UNC13C: variants seen among roughly 807,000 people sequenced by gnomAD.
UNC13C encodes the protein protein unc-13 homolog C.
In UNC13C, 174 loss-of-function variants were observed where a neutral mutation model predicts 245.4. The observed-to-expected ratio is 0.71, with a 90% CI of 0.63 to 0.80. The LOEUF is 0.80. Among genes scored for constraint, UNC13C ranks in the 30% least tolerant of loss-of-function variants. The pLI is 0.00. For synonymous variants in UNC13C, 992 were observed against 895.1 expected (o/e 1.11, Z -1.93); for missense variants, 2,829 against 2,602.9 (o/e 1.09, Z -1.89).
chr15:54,333,219 A>G lies in UNC13C; in HGVS notation c.4495-548A>G, dbSNP rs939222332. 6.6e-5 allele frequency among the ~76,000 whole-genome samples: 10 copies of G among 152,036 alleles called. No individual in the cohort carries two copies. The South Asian group carries it at 8.3e-4, about 13-fold the overall frequency. ...TTTTCATTCCTTCAAAATTATAAAC[A>G]TCTGTATTTTTAAATGATGCTTCTC... On this transcript the variant is annotated intron_variant, in intron 15 of 32. Transcript: ENST00000260323.
chr15:54,248,027 A>G (rs1430672497), intron 7 of UNC13C, among the ~76,000 whole-genome samples: 2 of 152,168 alleles, frequency 1.3e-5, no homozygotes, highest in Non-Finnish European at 2.9e-5. Flanking sequence ...ATTAGATCAT[A>G]TATATTAATC....
At chr15:53,993,911 T>G (rs1894501494) in intron 1 of UNC13C, among the ~76,000 whole-genome samples, 1 of 152,176 alleles carries the variant, frequency 6.6e-6, no homozygotes, top group Middle Eastern at 3.4e-3. Flanking sequence ...AATGTAGTTT[T>G]ATTGAAGAGA....
intron 4 of UNC13C, among the ~76,000 whole-genome samples, chr15:54,222,333 A>G (rs544646031): frequency 6.6e-6 from 1 of 152,050 alleles, no homozygotes; most frequent in African/African-American, 2.4e-5. Flanking sequence ...TCCTACCAGT[A>G]AGTGAGCGTA....
the UNC13C span, among the ~76,000 whole-genome samples, chr15:53,884,743 T>G: frequency 6.6e-6 from 1 of 152,202 alleles, no homozygotes; most frequent in African/African-American, 2.4e-5. Context: ...GAGTAGTTTT[T>G]ACTTGGACTT....
chr15:54,601,358 C>T (rs1899410018), intron 30 of UNC13C, among the ~76,000 whole-genome samples: 2 of 152,212 alleles, frequency 1.3e-5, no homozygotes, highest in South Asian at 4.2e-4. Flanking sequence ...AAACCTAAGC[C>T]AGACCTACAA....
At chr15:53,966,040 T>C in the UNC13C span, among the ~76,000 whole-genome samples, 1 of 152,218 alleles carries the variant, frequency 6.6e-6, no homozygotes, top group Admixed American at 6.5e-5. Context: ...CTTTTATCTA[T>C]AGGTTTCCCC....
chr15:54,345,820 C>T (rs2038847231), intron 17 of UNC13C, among the ~76,000 whole-genome samples: 2 of 152,194 alleles, frequency 1.3e-5, no homozygotes, highest in African/African-American at 4.8e-5. Context: ...CCTCTAAGGT[C>T]TAAGCCTTGA....
chr15:54,075,291 C>G (rs534410701), intron 2 of UNC13C, among the ~76,000 whole-genome samples: 3 of 152,100 alleles, frequency 2.0e-5, no homozygotes, highest in South Asian at 2.1e-4. Flanking sequence ...GGAGACCACC[C>G]TGGCTAACAC....
At chr15:54,116,908 C>G (rs181247876) in intron 2 of UNC13C, among the ~76,000 whole-genome samples, 3 of 152,086 alleles carry the variant, frequency 2.0e-5, no homozygotes, top group Admixed American at 6.6e-5. Flanking sequence ...TGATGGTTCC[C>G]CTTTCTCCAT....
At chr15:54,445,071 T>C (rs1053368064) in intron 19 of UNC13C, among the ~76,000 whole-genome samples, 4 of 151,250 alleles carry the variant, frequency 2.6e-5, no homozygotes, top group African/African-American at 9.7e-5. Flanking sequence ...CAGTGTTTAT[T>C]TTTTTGTCCT....
At chr15:54,580,806 TCACGTGTTC>T (rs1898165415) in intron 30 of UNC13C, among the ~76,000 whole-genome samples, 1 of 152,168 alleles carries the variant, frequency 6.6e-6, no homozygotes, top group African/African-American at 2.4e-5. Context: ...AAGCCAGTAA[TCACGTGTTC>T]CTCTGTGAGC....
At chr15:53,892,580 A>G in the UNC13C span, among the ~76,000 whole-genome samples, 1 of 150,996 alleles carries the variant, frequency 6.6e-6, no homozygotes, top group African/African-American at 2.4e-5. Flanking sequence ...ATTCCTTTTT[A>G]TTTTTTCTCT....
At chr15:54,628,976 C>T (rs1357325629), downstream of UNC13C, 1 of 152,022 alleles carries the variant, frequency 6.6e-6, no homozygotes, top group Non-Finnish European at 1.5e-5. Flanking sequence ...ACCATAAACA[C>T]ATATGCACGT....
In UNC13C at chr15:54,013,598, C is replaced by T. The variant is rs745729018; in HGVS notation, c.695C>T (p.Ser232Phe). The T allele has an allele frequency of 6.3e-5, 101 of 1,613,434 alleles. No homozygotes were observed. Among genetic ancestry groups the T allele is most frequent in the Admixed American group, 2.2e-4 (13 of 59,948 alleles). ...KTNALEPGFSSSGCISQTHDV... is the reference protein window; with the variant it reads ...KTNALEPGFSFSGCISQTHDV... Reference sequence around the variant, plus strand: ...AATGCCCTGGAGCCAGGGTTCAGTTCCTCTGGCTGCATTAGCCAAACACAT... The same window carrying T: ...AATGCCCTGGAGCCAGGGTTCAGTTTCTCTGGCTGCATTAGCCAAACACAT... Residue 232 changes from serine to phenylalanine, a missense_variant, in exon 2 of 33, where the codon TCC (serine) becomes TTC (phenylalanine). By Grantham distance (155) the Ser-to-Phe change is radical. Transcript: ENST00000260323.
chr15:54,194,202 ATAGTT>A (rs764802515), intron 4 of UNC13C, among the ~76,000 whole-genome samples: 1 of 152,102 alleles, frequency 6.6e-6, no homozygotes, highest in Non-Finnish European at 1.5e-5. Context: ...AGACGGGGTG[ATAGTT>A]TAGACTAGAG....
intron 2 of UNC13C, among the ~76,000 whole-genome samples, chr15:54,108,832 A>G (rs1900598484): frequency 6.6e-6 from 1 of 152,192 alleles, no homozygotes; most frequent in Non-Finnish European, 1.5e-5. Flanking sequence ...ACAAAAAGGA[A>G]CCTGCTATGG....
chr15:53,912,056 AGGG>A, the UNC13C span: 3 of 152,196 alleles, frequency 2.0e-5, no homozygotes, highest in Non-Finnish European at 4.4e-5. Flanking sequence ...CGAGATTAAA[AGGG>A]GCCCAGGCGG....
At chr15:54,178,244 G>A (rs999118762) in intron 4 of UNC13C, among the ~76,000 whole-genome samples, 6 of 151,968 alleles carry the variant, frequency 3.9e-5, no homozygotes, top group Non-Finnish European at 5.9e-5. Flanking sequence ...TTTGAAGTGG[G>A]GTGTAGGGAA....
intron 23 of UNC13C, among the ~76,000 whole-genome samples, chr15:54,507,654 TA>T (rs1255081389): frequency 6.6e-6 from 1 of 152,074 alleles, no homozygotes; most frequent in Non-Finnish European, 1.5e-5. Flanking sequence ...ATAGCTTTTT[TA>T]GATGATTGAG....
Sources: gnomAD v4.1 joint callset for allele counts (sites outside exome capture counted in the v4.1 genomes callset) on GRCh38, gnomAD v4.1.1 for gene constraint, MANE v1.5 for transcripts, NCBI Gene and HGNC (gene_info 2026-07-23, HGNC 2026-07-21) for gene names.